The following ZSCAN20 variants were observed in gnomAD, a reference collection of about 807,000 sequenced individuals.
The protein encoded by ZSCAN20 is zinc finger and SCAN domain containing 20.
A neutral mutation model predicts 97.1 loss-of-function variants in ZSCAN20; 39 were observed. The observed-to-expected ratio is 0.40, with a 90% CI of 0.31 to 0.52. The LOEUF is 0.52. ZSCAN20 is among the 20% of genes least tolerant of loss of function. The pLI is 0.49. For synonymous variants in ZSCAN20, 456 were observed against 467.3 expected (o/e 0.98, Z 0.31); for missense variants, 1,115 against 1,290.4 (o/e 0.86, Z 2.08).
chr1:33,481,352 G>C (rs1652150696), intron 2 of ZSCAN20, among the ~76,000 whole-genome samples: 1 of 152,188 alleles, frequency 6.6e-6, no homozygotes, highest in South Asian at 2.1e-4. Context: ...TCTGTAAAAT[G>C]AGAGGGTTGG....
In ZSCAN20 at chr1:33,479,295, A is replaced by C. The variant is rs1259093485; in HGVS notation, c.7A>C (p.Met3Leu). ...GAGGTGTCTGGGTTAGACAATGGCT[A>C]TGGCCCTGGAATTGCAAGCCCAGGC... Reference protein sequence around the residue: MAMALELQAQASP... With the variant: MALALELQAQASP... Residue 3 changes from methionine (M) to leucine (L), a missense_variant, in exon 2 of 8, where the codon ATG becomes CTG. By Grantham distance (15) the Met-to-Leu change is conservative (BLOSUM62 2). Around this residue, in one of 3 missense-constraint regions of ZSCAN20, gnomAD observed 508 missense variants for 611.2 expected, o/e 0.83. Transcript: ENST00000684572. 1 of 1,604,696 alleles carries C rather than the reference A, an allele frequency of 6.2e-7. No individual in the cohort carries two copies. The highest frequency in any genetic ancestry group is 2.2e-5 in the East Asian group (1 of 44,818).
At chr1:33,483,964 T>G (rs1355184634) in intron 2 of ZSCAN20, among the ~76,000 whole-genome samples, 3 of 152,152 alleles carry the variant, frequency 2.0e-5, no homozygotes, top group Non-Finnish European at 4.4e-5. Flanking sequence ...GATGAGAATG[T>G]AAATGTTATT....
rs372737798 is a variant in ZSCAN20 at position 33,495,176 on chromosome 1, C to G, written c.2832C>G (p.Ser944=). 1.2e-6 allele frequency: 2 copies of G among 1,613,490 alleles called. No homozygotes were observed. Among genetic ancestry groups the G allele is most frequent in the Middle Eastern group, 1.7e-4 (1 of 6,058 alleles). ...GTGGGAAGTGCTTCAGTGAGCGCTC[C>G]AAGCTCATCACACACCAGAGAGTGC... ...VDCGKCFSER[S]KLITHQRVHT... Residue 944 remains serine (S), a synonymous_variant, in exon 8 of 8, where the codon TCC becomes TCG. Coordinates refer to ENST00000684572, the MANE Select transcript of ZSCAN20 (RefSeq NM_001377376.1).
At chr1:33,474,144 T>G (rs1651835301) in intron 1 of ZSCAN20, among the ~76,000 whole-genome samples, 2 of 152,186 alleles carry the variant, frequency 1.3e-5, no homozygotes, top group Admixed American at 6.5e-5. Context: ...TCATGGCTAA[T>G]TGGTTGGTTC....
chr1:33,487,282 G>A (rs2148462572), intron 2 of ZSCAN20, among the ~76,000 whole-genome samples: 1 of 152,236 alleles, frequency 6.6e-6, no homozygotes, highest in Non-Finnish European at 1.5e-5. Flanking sequence ...GAAAAAAATT[G>A]AAATATGTTT....
intron 4 of ZSCAN20, 120 bp from the exon 5 acceptor site, chr1:33,489,398 T>G: frequency 9.0e-7 from 1 of 1,109,868 alleles, no homozygotes; most frequent in Non-Finnish European, 1.3e-6. Flanking sequence ...CTCCTTATGA[T>G]GCCAGCTTCA....
intron 2 of ZSCAN20, among the ~76,000 whole-genome samples, chr1:33,481,089 G>T (rs1170828902): frequency 6.6e-6 from 1 of 152,142 alleles, no homozygotes; most frequent in African/African-American, 2.4e-5. Context: ...TTTGCTCTTT[G>T]GATTCCTTTA....
chr1:33,495,039 G>C lies in ZSCAN20; in HGVS notation c.2695G>C (p.Gly899Arg), dbSNP rs201322028. ...ALISHQRIHT[G>R]EKPYECAECG... ...CATTAGTCACCAAAGAATCCATACG[G>C]GAGAGAAACCATATGAATGTGCCGA... The change falls in exon 8 of 8, where the codon GGA (glycine) becomes CGA (arginine). Residue 899 changes from glycine to arginine, a missense_variant. Gly to Arg is a moderately radical substitution (Grantham distance 125). Around this residue, in one of 3 missense-constraint regions of ZSCAN20, gnomAD observed 554 missense variants for 584.9 expected, o/e 0.95. Coordinates refer to ENST00000684572, the MANE Select transcript of ZSCAN20 (RefSeq NM_001377376.1). The C allele has an allele frequency of 7.1e-5, 115 of 1,613,312 alleles. No individual in the cohort carries two copies. The highest frequency in any genetic ancestry group is 9.2e-5 in the Non-Finnish European group (108 of 1,179,562).
intron 2 of ZSCAN20, among the ~76,000 whole-genome samples, chr1:33,481,310 C>T (rs552888161): frequency 4.6e-5 from 7 of 152,044 alleles, no homozygotes; most frequent in Admixed American, 6.6e-5. Flanking sequence ...GAGATGAAAA[C>T]GGATTTAAAT....
rs760050319 is a variant in ZSCAN20 at position 33,501,085 on chromosome 1, C to A, written c.*5609C>A. Among the ~76,000 whole-genome samples, 3 of 152,132 alleles carry A rather than the reference C, an allele frequency of 2.0e-5. No individual in the cohort carries two copies. The highest frequency in any genetic ancestry group is 4.4e-5 in the Non-Finnish European group (3 of 68,032). On this transcript the variant is annotated 3_prime_UTR_variant, in exon 8 of 8. Transcript: ENST00000684572. ...GAAACCCTCCACTGCAGACTTCACCCAGGGGGCAAGGCAGGAGAGAATCCC... is the reference window on the plus strand; with the variant it reads ...GAAACCCTCCACTGCAGACTTCACCAAGGGGGCAAGGCAGGAGAGAATCCC...
In ZSCAN20 at chr1:33,498,461, C is replaced by G. The variant is rs1225941823; in HGVS notation, c.*2985C>G. Among the ~76,000 whole-genome samples the G allele has an allele frequency of 6.6e-6, 1 of 152,226 alleles. No homozygotes were observed. Among genetic ancestry groups the G allele is most frequent in the Non-Finnish European group, 1.5e-5 (1 of 68,046 alleles). On this transcript the variant is annotated 3_prime_UTR_variant, in exon 8 of 8. Transcript: ENST00000684572. ...TACCTGACTTCCTTTGGAAGAAGCA[C>G]TCTTTCAGGGGGCTTCAGTGTTCCA...
In ZSCAN20 at chr1:33,493,228, G is replaced by A; in HGVS notation, c.1486G>A (p.Ala496Thr). 1 of 1,614,140 alleles carries A rather than the reference G, an allele frequency of 6.2e-7. No individual in the cohort carries two copies. Among genetic ancestry groups the A allele is most frequent in the South Asian group, 1.1e-5 (1 of 91,070 alleles). The change falls in exon 7 of 8, where the codon GCA becomes ACA. Residue 496 changes from alanine to threonine, a missense_variant. Ala to Thr is a moderately conservative substitution (Grantham distance 58, BLOSUM62 0). Transcript: ENST00000684572. This position sits in a 1 kb window ranked among gnomAD's most constrained non-coding sequence, Gnocchi z 4.3. Reference protein sequence around the residue: ...WGYEETKAFLAILSESPFSEK... With the variant: ...WGYEETKAFLTILSESPFSEK... The stretch of plus-strand genomic sequence containing the variant: ...CTATGAGGAGACCAAGGCCTTCCTG[G>A]CAATTCTCAGTGAGTCCCCATTCTC...
Position 33,491,185 on chromosome 1 carries a change from G to A in ZSCAN20, c.927G>A (p.Glu309=). The part of the protein sequence containing the change: ...ALTWRDSRAW[E]EQYQWDVEDM... ...CCTGGAGGGATTCAAGAGCCTGGGA[G>A]GAACAATACCAGTGGGATGTGGAGG... The change falls in exon 6 of 8, where the codon GAG becomes GAA. Residue 309 remains glutamate (E), a synonymous_variant. Transcript: ENST00000684572. The surrounding 1 kb of genome is among the most constrained non-coding windows in gnomAD (Gnocchi z 4.3). The A allele has an allele frequency of 6.2e-7, 1 of 1,614,162 alleles. No individual in the cohort carries two copies. Among genetic ancestry groups the A allele is most frequent in the African/African-American group, 1.3e-5 (1 of 75,024 alleles).
chr1:33,488,508 G>A lies in ZSCAN20; in HGVS notation c.461G>A (p.Gly154Glu). 1 of 1,614,134 alleles carries A rather than the reference G, an allele frequency of 6.2e-7. No homozygotes were observed. Among genetic ancestry groups the A allele is most frequent in the Non-Finnish European group, 8.5e-7 (1 of 1,180,004 alleles). Residue 154 changes from glycine (G) to glutamate (E), a missense_variant, in exon 3 of 8, where the codon GGG (glycine) becomes GAG (glutamate). By Grantham distance (98) the Gly-to-Glu change is moderately conservative. This residue lies in a region of ZSCAN20 where 508 missense variants were observed against 611.2 expected (regional missense o/e 0.83). Transcript: ENST00000684572. ...GAAGAGACCAGGCCCTTAAAGACAG[G>A]GGAAGAAGCTCAGAGCTTCCAGCTG... ...HTEETRPLKT[G>E]EEAQSFQLQP...
chr1:33,475,871 T>G (rs1328024215), intron 1 of ZSCAN20, among the ~76,000 whole-genome samples: 1 of 151,916 alleles, frequency 6.6e-6, no homozygotes. Flanking sequence ...GGTTTCACCA[T>G]GTTGGCCAGG....
In ZSCAN20 at chr1:33,479,295, A is replaced by G. The variant is rs1259093485; in HGVS notation, c.7A>G (p.Met3Val). The change falls in exon 2 of 8, where the codon ATG becomes GTG. Residue 3 changes from methionine to valine, a missense_variant. Transcript: ENST00000684572. MAMALELQAQASP... is the reference protein window; with the variant it reads MAVALELQAQASP... ...GAGGTGTCTGGGTTAGACAATGGCT[A>G]TGGCCCTGGAATTGCAAGCCCAGGC... The G allele has an allele frequency of 3.1e-6, 5 of 1,604,578 alleles. No homozygotes were observed. The highest frequency in any genetic ancestry group is 2.7e-5 in the African/African-American group (2 of 74,854).
At position 33,499,987 on chromosome 1, in the gene ZSCAN20, A is replaced by G. The variant is rs1394268728; in HGVS notation, c.*4511A>G. 6.6e-6 allele frequency among the ~76,000 whole-genome samples: 1 copy of G among 152,136 alleles called. No individual in the cohort carries two copies. The highest frequency in any genetic ancestry group is 1.5e-5 in the Non-Finnish European group (1 of 68,018). On this transcript the variant is annotated 3_prime_UTR_variant, in exon 8 of 8. Coordinates refer to ENST00000684572, the MANE Select transcript of ZSCAN20 (RefSeq NM_001377376.1). Reference sequence around the variant, plus strand: ...GCTACAAGGGGTTAGTGTTCCATGCAGTGGGAGTGCAGGGAAGGCTTTACA... The same window carrying G: ...GCTACAAGGGGTTAGTGTTCCATGCGGTGGGAGTGCAGGGAAGGCTTTACA...
At position 33,491,677 on chromosome 1, in the gene ZSCAN20, C is replaced by T; in HGVS notation, c.1419C>T (p.Ala473=). The change falls in exon 6 of 8, where the codon GCC becomes GCT. Residue 473 remains alanine (A), a synonymous_variant. Transcript: ENST00000684572. The surrounding 1 kb of genome is among the most constrained non-coding windows in gnomAD (Gnocchi z 4.3). The part of the protein sequence containing the change: ...ESTQGPRIAG[A]PALFQSRIAG... ...CCCAGGGGCCCAGGATTGCAGGGGC[C>T]CCAGCTCTGTTCCAGAGTCGTATTG... The T allele has an allele frequency of 6.2e-7, 1 of 1,603,698 alleles. No individual in the cohort carries two copies. The highest frequency in any genetic ancestry group is 8.5e-7 in the Non-Finnish European group (1 of 1,176,180).
chr1:33,501,482 C>G lies in ZSCAN20; in HGVS notation c.*6006C>G, dbSNP rs16835523. ...GCCCTTTTGTTTTGCAATTTGTGGA[C>G]CAATCCCTGGCTTCATTTTATTTGG... On this transcript the variant is annotated 3_prime_UTR_variant, in exon 8 of 8. Coordinates refer to ENST00000684572, the MANE Select transcript of ZSCAN20 (RefSeq NM_001377376.1). 0.14 allele frequency among the ~76,000 whole-genome samples: 21,813 copies of G among 151,700 alleles called. 2,066 individuals are homozygous for G. The highest frequency in any genetic ancestry group is 0.38 in the East Asian group (1,947 of 5,146).
Sources: gnomAD v4.1 joint callset for allele counts (sites outside exome capture counted in the v4.1 genomes callset) on GRCh38, gnomAD v4.1.1 for gene constraint, gnomAD v4.1.1 regional missense constraint, Gnocchi (gnomAD v3.1) non-coding constraint, MANE v1.5 for transcripts, NCBI Gene and HGNC (gene_info 2026-07-23, HGNC 2026-07-21) for gene names.